Variants in AHCTF1 observed in about 807,000 individuals in gnomAD.
AHCTF1 encodes protein ELYS.
In AHCTF1, 24 loss-of-function variants were observed where a neutral mutation model predicts 248.4. The ratio of observed to expected loss-of-function variants is 0.10; its 90% CI spans 0.07 to 0.14. The LOEUF (loss-of-function observed/expected upper bound fraction) is 0.14. AHCTF1 is among the 10% of genes least tolerant of loss of function. AHCTF1 has a pLI of 1.00. For synonymous variants in AHCTF1, 786 were observed against 929.8 expected (o/e 0.85, Z 2.81); for missense variants, 2,206 against 2,636.2 (o/e 0.84, Z 3.57).
intron 1 of AHCTF1, among the ~76,000 whole-genome samples, chr1:246,923,119 A>ATAT: frequency 6.6e-6 from 1 of 150,572 alleles, no homozygotes; most frequent in Non-Finnish European, 1.5e-5. Context: ...AAAAAAAAAA[A>ATAT]AAAAAAAAAG....
At chr1:246,878,324 G>A (rs1397089093) in intron 21 of AHCTF1, among the ~76,000 whole-genome samples, 4 of 143,050 alleles carry the variant, frequency 2.8e-5, no homozygotes, top group East Asian at 2.1e-4. Flanking sequence ...TTGATCCTAG[G>A]AGGTCAAGGC....
chr1:246,898,005 A>G (rs1664715749), intron 12 of AHCTF1, among the ~76,000 whole-genome samples: 1 of 152,178 alleles, frequency 6.6e-6, no homozygotes, highest in South Asian at 2.1e-4. Context: ...CAGCTAAGTC[A>G]ACCTGCTGCC....
At chr1:246,925,485 T>G (rs565416701) in intron 1 of AHCTF1, among the ~76,000 whole-genome samples, 9 of 152,180 alleles carry the variant, frequency 5.9e-5, no homozygotes, top group Non-Finnish European at 1.2e-4. Context: ...CCAGACATGA[T>G]GGCTTATGCC....
intron 12 of AHCTF1, 64 bp from the exon 13 acceptor site, chr1:246,895,989 T>C: frequency 1.4e-6 from 2 of 1,396,708 alleles, no homozygotes; most frequent in South Asian, 2.5e-5. Flanking sequence ...CATAGGCAAG[T>C]TCTGGTTTAG....
At chr1:246,864,258 G>A in intron 26 of AHCTF1, 142 bp from the exon 27 acceptor site, 1 of 819,856 alleles carries the variant, frequency 1.2e-6, no homozygotes, top group Non-Finnish European at 1.8e-6. Context: ...AATCCAAAGT[G>A]CTACCATGCA....
At chr1:246,906,947 CATATT>C (rs1324829023) in intron 5 of AHCTF1, among the ~76,000 whole-genome samples, 1 of 152,082 alleles carries the variant, frequency 6.6e-6, no homozygotes, top group Non-Finnish European at 1.5e-5. Flanking sequence ...TGAAAGAACT[CATATT>C]ATACAAACAC....
At chr1:246,864,203 G>A in intron 26 of AHCTF1, 87 bp from the exon 27 acceptor site, 1 of 1,298,200 alleles carries the variant, frequency 7.7e-7, no homozygotes, top group Non-Finnish European at 1.1e-6. Flanking sequence ...ATATTCACTG[G>A]TAACTATGAT....
intron 1 of AHCTF1, among the ~76,000 whole-genome samples, chr1:246,926,559 A>G (rs777147489): frequency 6.6e-6 from 1 of 152,250 alleles, no homozygotes; most frequent in Non-Finnish European, 1.5e-5. Flanking sequence ...GAAACACTCT[A>G]TTATTAGAAA....
At chr1:246,854,101 C>T (rs1392800822) in intron 31 of AHCTF1, among the ~76,000 whole-genome samples, 1 of 152,060 alleles carries the variant, frequency 6.6e-6, no homozygotes, top group Non-Finnish European at 1.5e-5. Context: ...AGATCGAGAC[C>T]ACCCTGGCTA....
At chr1:246,864,260 T>C in intron 26 of AHCTF1, 144 bp from the exon 27 acceptor site, 4 of 799,952 alleles carry the variant, frequency 5.0e-6, no homozygotes, top group Non-Finnish European at 7.6e-6. Context: ...TCCAAAGTGC[T>C]ACCATGCATT....
At chr1:246,877,372 A>G (rs922216831) in intron 21 of AHCTF1, 70 bp from the exon 22 acceptor site, 4 of 1,444,802 alleles carry the variant, frequency 2.8e-6, no homozygotes, top group Admixed American at 2.6e-5. Context: ...AGAAATCTAC[A>G]TGTAGAATTT....
chr1:246,893,729 G>C (rs905855171), intron 14 of AHCTF1, among the ~76,000 whole-genome samples: 21 of 152,192 alleles, frequency 1.4e-4, no homozygotes, highest in Non-Finnish European at 2.8e-4. Context: ...ATGTTAAATA[G>C]AAAGTGAGTT....
At chr1:246,871,130 ATT>A (rs951994534) in intron 24 of AHCTF1, among the ~76,000 whole-genome samples, 5 of 152,098 alleles carry the variant, frequency 3.3e-5, no homozygotes, top group African/African-American at 1.2e-4. Flanking sequence ...GTGGTGGCTC[ATT>A]TTTTTCTAAC....
Position 246,888,395 on chromosome 1 carries a change from T to G in AHCTF1, c.2267A>C (p.His756Pro). Residue 756 changes from histidine to proline, a missense_variant and splice_region_variant, in exon 18 of 36, where the codon CAT (histidine) becomes CCT (proline). Physicochemically the swap from His to Pro is moderately conservative, Grantham distance 77. This residue lies in a region of AHCTF1 where 650 missense variants were observed against 870.8 expected (regional missense o/e 0.75). Coordinates refer to ENST00000648844, the MANE Select transcript of AHCTF1 (RefSeq NM_001323342.2). Reference sequence around the variant, plus strand: ...GATAGCACATTACTGCAAACCTACATGCAGACTAGCAGGAGGATATTTTCC... The same window carrying G: ...GATAGCACATTACTGCAAACCTACAGGCAGACTAGCAGGAGGATATTTTCC... ...GTGKYPPASL[H>P]AVLDMYLLDG... The G allele has an allele frequency of 1.2e-6, 2 of 1,612,836 alleles. No homozygotes were observed. Among genetic ancestry groups the G allele is most frequent in the Non-Finnish European group, 1.7e-6 (2 of 1,179,968 alleles).
chr1:246,931,299 G>A (rs1484152438), intron 1 of AHCTF1: 1 of 1,547,554 alleles, frequency 6.5e-7, no homozygotes. Context: ...GGCGCAGGAC[G>A]CGAACCACCA....
Position 246,839,859 on chromosome 1 carries a change from TCTC to T in AHCTF1, c.*944_*946del, listed in dbSNP as rs1659727500. 1 of 152,656 alleles carries T rather than the reference TCTC, an allele frequency of 6.6e-6. No homozygotes were observed. Among genetic ancestry groups the T allele is most frequent in the African/African-American group, 2.4e-5 (1 of 41,448 alleles). The allele number at this position is 152,656 out of a possible 1,614,324, so 9.5% of individuals were successfully genotyped here. On this transcript the variant is annotated 3_prime_UTR_variant, in exon 36 of 36. Coordinates refer to ENST00000648844, the MANE Select transcript of AHCTF1 (RefSeq NM_001323342.2). ...TAGAGAACAGGGCGTGTGTTGTTTT[TCTC>T]CTTTTCTACATCTACTCACTCTCTC...
At chr1:246,851,577 G>A (rs1048128928) in intron 32 of AHCTF1, 135 bp from the exon 33 acceptor site, 14 of 708,130 alleles carry the variant, frequency 2.0e-5, no homozygotes, top group Non-Finnish European at 2.8e-5. Flanking sequence ...ATATACTTAT[G>A]GGTTTACTTT....
intron 13 of AHCTF1, among the ~76,000 whole-genome samples, chr1:246,895,234 G>A (rs745530686): frequency 7.9e-5 from 12 of 152,096 alleles, no homozygotes; most frequent in African/African-American, 2.9e-4. Flanking sequence ...TTAGATAAAA[G>A]TCTTAATTTT....
chr1:246,911,645 G>A (rs182119624), intron 4 of AHCTF1, among the ~76,000 whole-genome samples: 22 of 151,846 alleles, frequency 1.4e-4, no homozygotes, highest in Admixed American at 1.2e-3. Context: ...CACCACACCT[G>A]GCTAATTTTA....
Sources: allele counts gnomAD v4.1 joint callset (sites outside exome capture counted in the v4.1 genomes callset), GRCh38; gene constraint gnomAD v4.1.1; regional missense constraint gnomAD v4.1.1; transcripts MANE v1.5; gene names NCBI Gene and HGNC (gene_info 2026-07-23, HGNC 2026-07-21).